FHIP2A: variants seen among roughly 807,000 people sequenced by gnomAD.
The protein encoded by FHIP2A is FHF complex subunit HOOK interacting protein 2A, also known as family with sequence similarity 160 member B1.
In FHIP2A, 46 loss-of-function variants were observed where a neutral mutation model predicts 93.5. The ratio of observed to expected loss-of-function variants is 0.49; its 90% CI spans 0.39 to 0.63. The LOEUF (loss-of-function observed/expected upper bound fraction) is 0.63. FHIP2A is among the 20% of genes least tolerant of loss of function. The probability of loss-of-function intolerance (pLI) is 0.00; values close to 1 mark genes in which losing one functional copy is unlikely to be tolerated. For missense variants in FHIP2A, 769 were observed against 909.7 expected (o/e 0.85, Z 1.99); for synonymous variants, 332 against 326.5 (o/e 1.02, Z -0.18).
chr10:114,836,392 C>G (rs2083637126), intron 5 of FHIP2A, 146 bp downstream of exon 5: 1 of 667,610 alleles, frequency 1.5e-6, no homozygotes, highest in Non-Finnish European at 2.5e-6. Flanking sequence ...CCTTTAATAT[C>G]ACTATTTTAT....
Position 114,863,815 on chromosome 10 carries a change from G to A in FHIP2A, c.*2275G>A, listed in dbSNP as rs139448180. The A allele has an allele frequency of 1.9e-3, 2,044 of 1,073,984 alleles. 5 individuals carry two copies. Among genetic ancestry groups the A allele is most frequent in the African/African-American group, 8.2e-3 (478 of 58,358 alleles). 66.5% of individuals were successfully genotyped at this position (1,073,984 alleles called of 1,614,324 possible). On this transcript the variant is annotated 3_prime_UTR_variant, in exon 17 of 17. Transcript: ENST00000369248. The stretch of plus-strand genomic sequence containing the variant: ...TGCACTATGCTGAGTGGAAAGCACC[G>A]TCATAACAATTGATTGCCATAGCAA...
At chr10:114,879,644 A>G (rs529822906) in intron 16 of FHIP2A, among the ~76,000 whole-genome samples, 17 of 152,280 alleles carry the variant, frequency 1.1e-4, no homozygotes, top group African/African-American at 4.1e-4. Flanking sequence ...AGCGGTGGGC[A>G]TCGTCAACTG....
rs1030286953 is a variant in FHIP2A at position 114,862,160 on chromosome 10, T to C, written c.*620T>C. 4 of 907,118 alleles carry C rather than the reference T, an allele frequency of 4.4e-6. No homozygotes were observed. The African/African-American group carries it at 5.4e-5, about 12-fold the overall frequency. 56.2% of individuals were successfully genotyped at this position (907,118 alleles called of 1,614,324 possible). A position where few individuals can be genotyped will look rare whatever the true frequency, so the allele number is the denominator to read the frequency against. ...TATGATAAATTCTTGATTAATATAATATATCTATATTTTTAAAGAAATGTT... is the reference window on the plus strand; with the variant it reads ...TATGATAAATTCTTGATTAATATAACATATCTATATTTTTAAAGAAATGTT... On this transcript the variant is annotated 3_prime_UTR_variant, in exon 17 of 17. Coordinates refer to ENST00000369248, the MANE Select transcript of FHIP2A (RefSeq NM_020940.4).
chr10:114,848,384 T>A (rs1174306463), intron 12 of FHIP2A, among the ~76,000 whole-genome samples: 1 of 152,226 alleles, frequency 6.6e-6, no homozygotes, highest in Non-Finnish European at 1.5e-5. Context: ...GAATTAGTCA[T>A]TTTTAAAACC....
intron 5 of FHIP2A, among the ~76,000 whole-genome samples, 185 bp downstream of exon 5, chr10:114,836,431 T>A (rs1260309251): frequency 6.6e-6 from 1 of 152,202 alleles, no homozygotes; most frequent in African/African-American, 2.4e-5. Flanking sequence ...TTTCAAAGAA[T>A]GCAGTTGAGC....
intron 13 of FHIP2A, among the ~76,000 whole-genome samples, chr10:114,851,523 A>G (rs1233152591): frequency 1.3e-5 from 2 of 152,008 alleles, no homozygotes; most frequent in African/African-American, 4.8e-5. Flanking sequence ...GAGGACTCTC[A>G]ATTCTATTCC....
Position 114,855,294 on chromosome 10 carries a change from A to G in FHIP2A, c.1901A>G (p.His634Arg), listed in dbSNP as rs925545401. 5 of 1,613,818 alleles carry G rather than the reference A, an allele frequency of 3.1e-6. No individual in the cohort carries two copies. The highest frequency in any genetic ancestry group is 2.2e-5 in the East Asian group (1 of 44,872). ...CNLEAAFFEG[H>R]FLKVLFDRMG... is the part of the protein sequence containing the mutation. ...TTAGAAGCTGCTTTCTTTGAAGGTCATTTTTTGAAAGTGCTGTTCGACAGA... is the reference window on the plus strand; with the variant it reads ...TTAGAAGCTGCTTTCTTTGAAGGTCGTTTTTTGAAAGTGCTGTTCGACAGA... The change falls in exon 14 of 17, where the codon CAT becomes CGT. Residue 634 changes from histidine to arginine, a missense_variant. Physicochemically the swap from His to Arg is conservative, Grantham distance 29. Transcript: ENST00000369248.
intron 16 of FHIP2A, among the ~76,000 whole-genome samples, chr10:114,879,684 T>G (rs1235239228): frequency 6.6e-6 from 1 of 152,052 alleles, no homozygotes; most frequent in African/African-American, 2.4e-5. Context: ...AGGGACGGGT[T>G]TACTTTTGTT....
At chr10:114,826,348 C>T (rs777165178) in intron 1 of FHIP2A, among the ~76,000 whole-genome samples, 25 of 152,178 alleles carry the variant, frequency 1.6e-4, no homozygotes, top group Non-Finnish European at 3.4e-4. Flanking sequence ...TGCCTCTGTC[C>T]CTTCCTTCTA....
rs2084017582 is a variant in FHIP2A at position 114,899,626 on chromosome 10, A to G, written c.*112A>G. On this transcript the variant is annotated 3_prime_UTR_variant, in exon 17 of 17. Coordinates refer to the FHIP2A transcript ENST00000369250. ...GGATCAACTGCCCACCCTTGAACCA[A>G]TCCTGGTGGCCCCAGGCTGATTGGC... 7 of 681,978 alleles carry G rather than the reference A, an allele frequency of 1.0e-5. 1 individual carries two copies. The highest frequency in any genetic ancestry group is 6.5e-5 in the South Asian group (4 of 61,222). 42.2% of individuals were successfully genotyped at this position (681,978 alleles called of 1,614,324 possible).
In FHIP2A at chr10:114,821,904, C is replaced by CCGCGCA. The variant is rs1457736268; in HGVS notation, c.-173_-168dup. ...GCGCCCTCCGGAGCCGCCGAGCCGC[C>CCGCGCA]CGCGCACACCTGAAGCGGCCGGGCC... On this transcript the variant is annotated 5_prime_UTR_variant, in exon 1 of 17. Coordinates refer to ENST00000369248, the MANE Select transcript of FHIP2A (RefSeq NM_020940.4). 3 of 321,266 alleles carry CCGCGCA rather than the reference C, an allele frequency of 9.3e-6. No individual in the cohort carries two copies. The highest frequency in any genetic ancestry group is 1.7e-5 in the Non-Finnish European group (3 of 177,050). 19.9% of individuals were successfully genotyped at this position (321,266 alleles called of 1,614,324 possible).
At position 114,871,885 on chromosome 10, in the gene FHIP2A, A is replaced by G. The variant is rs189330219; in HGVS notation, c.2192+10551A>G. Among the ~76,000 whole-genome samples the G allele has an allele frequency of 2.6e-5, 4 of 152,278 alleles. No individual in the cohort carries two copies. In the East Asian group the frequency reaches 7.7e-4, roughly 29 times the overall value. Reference sequence around the variant, plus strand: ...CTACATTACCCCGGGAAGTTCTGTCATCTCAGCTCACTGAATGTAGGCCAC... The same window carrying G: ...CTACATTACCCCGGGAAGTTCTGTCGTCTCAGCTCACTGAATGTAGGCCAC... On this transcript the variant is annotated intron_variant, in intron 16 of 16. Transcript: ENST00000369250.
chr10:114,874,619 C>G (rs1390430623), intron 16 of FHIP2A, among the ~76,000 whole-genome samples: 1 of 152,182 alleles, frequency 6.6e-6, no homozygotes, highest in African/African-American at 2.4e-5. Flanking sequence ...TCTTCTGTCT[C>G]TGCCTCCTGA....
In FHIP2A at chr10:114,890,331, C is replaced by T. The variant is rs56255849; in HGVS notation, c.2193-9159C>T. The stretch of plus-strand genomic sequence containing the variant: ...GCATGAGGCACCATGCCCAGCCTAA[C>T]CACCTGTATTTTTGAAATTACTTGT... On this transcript the variant is annotated intron_variant, in intron 16 of 16. Transcript: ENST00000369250. Among the ~76,000 whole-genome samples, 310 of 151,980 alleles carry T rather than the reference C, an allele frequency of 2.0e-3. 1 individual carries two copies. Among genetic ancestry groups the T allele is most frequent in the Non-Finnish European group, 3.7e-3 (253 of 67,960 alleles).
At chr10:114,884,590 A>T (rs189864407) in intron 16 of FHIP2A, among the ~76,000 whole-genome samples, 1 of 152,320 alleles carries the variant, frequency 6.6e-6, no homozygotes, top group Non-Finnish European at 1.5e-5. Context: ...TTCATTTGTC[A>T]GGGAATGAAG....
chr10:114,888,178 G>A (rs555916825), intron 16 of FHIP2A, among the ~76,000 whole-genome samples: 10 of 152,328 alleles, frequency 6.6e-5, no homozygotes, highest in African/African-American at 2.4e-4. Context: ...TTAGGGGTAT[G>A]AATGGCTTCT....
chr10:114,851,916 C>T (rs1373637872), intron 13 of FHIP2A, among the ~76,000 whole-genome samples: 1 of 152,044 alleles, frequency 6.6e-6, no homozygotes, highest in Non-Finnish European at 1.5e-5. Context: ...CTTGCACTTC[C>T]TTCATTAAAT....
chr10:114,861,060 A>T (rs1416964672), intron 15 of FHIP2A, among the ~76,000 whole-genome samples, 171 bp downstream of exon 15: 1 of 152,240 alleles, frequency 6.6e-6, no homozygotes, highest in Non-Finnish European at 1.5e-5. Context: ...ATAATATGTA[A>T]CTTTTATTTT....
chr10:114,857,546 G>A (rs1230900029), intron 14 of FHIP2A, among the ~76,000 whole-genome samples: 1 of 152,064 alleles, frequency 6.6e-6, no homozygotes, highest in African/African-American at 2.4e-5. Flanking sequence ...CTGACCTCAG[G>A]TGATCCACCT....
Sources: allele counts gnomAD v4.1 joint callset (sites outside exome capture counted in the v4.1 genomes callset), GRCh38; gene constraint gnomAD v4.1.1; transcripts MANE v1.5; gene names NCBI Gene and HGNC (gene_info 2026-07-23, HGNC 2026-07-21).